Variants in ASTN1 observed in about 807,000 individuals in gnomAD.
ASTN1 encodes the protein astrotactin-1.
A neutral mutation model predicts 140.7 loss-of-function variants in ASTN1; 41 were observed. That is an observed-to-expected ratio of 0.29 (90% CI 0.23 to 0.38). The LOEUF (loss-of-function observed/expected upper bound fraction) is 0.38, where lower values mean the gene tolerates loss of function less well. Ranked by LOEUF, ASTN1 falls within the 10% of genes least tolerant of loss-of-function variation. The probability of loss-of-function intolerance (pLI) is 1.00; values close to 1 mark genes in which losing one functional copy is unlikely to be tolerated. For synonymous variants in ASTN1, 640 were observed against 652.2 expected, an observed-to-expected ratio of 0.98 and a Z score of 0.29; for missense variants, 1,479 against 1,678.8, an observed-to-expected ratio of 0.88 and a Z score of 2.08.
chr1:177,114,820 C>T (rs1015482163), intron 1 of ASTN1, among the ~76,000 whole-genome samples: 5 of 152,158 alleles, frequency 3.3e-5, no homozygotes, highest in African/African-American at 1.2e-4. Context: ...TGGCCACAGT[C>T]AAAACTCTCC....
At chr1:177,019,783 A>T (rs1170377731) in intron 7 of ASTN1, among the ~76,000 whole-genome samples, 4 of 152,222 alleles carry the variant, frequency 2.6e-5, no homozygotes, top group Non-Finnish European at 4.4e-5. Flanking sequence ...TCTTCCATAG[A>T]TTCCTGATAC....
intron 1 of ASTN1, among the ~76,000 whole-genome samples, chr1:177,112,574 T>C (rs781438206): frequency 3.9e-5 from 6 of 152,278 alleles, no homozygotes; most frequent in Admixed American, 1.3e-4. Flanking sequence ...CTTTCTGTGG[T>C]TCATCAATAT....
chr1:177,069,296 T>C (rs1678515493), intron 1 of ASTN1, among the ~76,000 whole-genome samples: 1 of 152,206 alleles, frequency 6.6e-6, no homozygotes, highest in Admixed American at 6.5e-5. Context: ...GATCTCTCTC[T>C]CAGTGGCTCC....
At chr1:176,968,126 A>G (rs1571581932) in intron 8 of ASTN1, among the ~76,000 whole-genome samples, 2 of 152,288 alleles carry the variant, frequency 1.3e-5, no homozygotes, top group Admixed American at 1.3e-4. Context: ...CTGTAACCCC[A>G]TATCCTCATC....
chr1:176,953,377 T>A (rs1347983832), intron 11 of ASTN1, among the ~76,000 whole-genome samples: 1 of 152,204 alleles, frequency 6.6e-6, no homozygotes, highest in African/African-American at 2.4e-5. Flanking sequence ...TCATAAGACA[T>A]GCAACTATAA....
At chr1:176,951,997 T>C (rs1016467765) in intron 11 of ASTN1, among the ~76,000 whole-genome samples, 1 of 152,012 alleles carries the variant, frequency 6.6e-6, no homozygotes, top group Non-Finnish European at 1.5e-5. Context: ...TGGTGGAAAA[T>C]GGCATGATCA....
chr1:176,870,253 T>A (rs1170290033), intron 21 of ASTN1, among the ~76,000 whole-genome samples: 1 of 152,220 alleles, frequency 6.6e-6, no homozygotes, highest in Admixed American at 6.5e-5. Flanking sequence ...ATTCTGGGCA[T>A]GAAGAAATGA....
In ASTN1 at chr1:176,900,653, C is replaced by A. The variant is rs1224577479; in HGVS notation, c.2672-5823G>T. ...TAACTGTGTAATTTGGGGTGAATTT[C>A]TTAATCTTCCTGTGTTTGAACTTTC... On this transcript the variant is annotated intron_variant, in intron 16 of 22. Transcript: ENST00000361833. Among the ~76,000 whole-genome samples the A allele has an allele frequency of 2.0e-5, 3 of 152,174 alleles. No homozygotes were observed. The East Asian group carries it at 5.8e-4, about 29-fold the overall frequency.
intron 1 of ASTN1, among the ~76,000 whole-genome samples, chr1:177,136,995 C>G (rs1031520797): frequency 1.3e-5 from 2 of 152,160 alleles, no homozygotes; most frequent in African/African-American, 4.8e-5. Flanking sequence ...AATCTTTGGC[C>G]TCTACCCACT....
intron 14 of ASTN1, among the ~76,000 whole-genome samples, chr1:176,939,044 G>A (rs1315852643): frequency 1.3e-5 from 2 of 151,954 alleles, no homozygotes; most frequent in African/African-American, 4.8e-5. Flanking sequence ...CCCAGGGGGC[G>A]GAGGTTGCAG....
Position 176,862,162 on chromosome 1 carries a change from T to G in ASTN1, c.*2122A>C, listed in dbSNP as rs1399884433. ...CCCCTTGAGGCACTTTAACTGAGGC[T>G]CCAGCATTTGCCACAGGTGGGACAG... On this transcript the variant is annotated 3_prime_UTR_variant, in exon 23 of 23. Transcript: ENST00000361833. The G allele has an allele frequency of 3.2e-5, 32 of 985,334 alleles. No homozygotes were observed. Among genetic ancestry groups the G allele is most frequent in the Non-Finnish European group, 3.7e-5 (31 of 829,976 alleles). 61.0% of individuals were successfully genotyped at this position (985,334 alleles called of 1,614,324 possible).
chr1:177,004,237 A>G (rs957462879), intron 8 of ASTN1, among the ~76,000 whole-genome samples: 3 of 152,266 alleles, frequency 2.0e-5, no homozygotes, highest in Admixed American at 2.0e-4. Flanking sequence ...ACAAAAAAAA[A>G]ATACCTAGGA....
intron 1 of ASTN1, among the ~76,000 whole-genome samples, chr1:177,102,156 C>A (rs1280487261): frequency 6.6e-6 from 1 of 152,168 alleles, no homozygotes; most frequent in Non-Finnish European, 1.5e-5. Context: ...TGTGCTCCAT[C>A]TATAAGCTCT....
At chr1:177,138,207 A>G (rs180787357) in intron 1 of ASTN1, among the ~76,000 whole-genome samples, 1 of 152,324 alleles carries the variant, frequency 6.6e-6, no homozygotes, top group African/African-American at 2.4e-5. Context: ...TTTGGTTTCT[A>G]TTCAAGGTCA....
intron 16 of ASTN1, among the ~76,000 whole-genome samples, chr1:176,913,295 C>A (rs909771743): frequency 6.6e-6 from 1 of 152,190 alleles, no homozygotes; most frequent in Non-Finnish European, 1.5e-5. Flanking sequence ...CTAAACACAG[C>A]TAAAATGTCC....
chr1:176,972,544 G>A (rs1019633736), intron 8 of ASTN1, among the ~76,000 whole-genome samples: 13 of 151,874 alleles, frequency 8.6e-5, no homozygotes, highest in African/African-American at 3.1e-4. Context: ...TGTCACCCAT[G>A]CCAAAATGCA....
chr1:176,966,717 ATTATG>A (rs1672906521), intron 8 of ASTN1, among the ~76,000 whole-genome samples: 2 of 151,904 alleles, frequency 1.3e-5, no homozygotes, highest in Admixed American at 1.3e-4. Context: ...TATATATTAT[ATTATG>A]GTGAATCTGT....
downstream of ASTN1, among the ~76,000 whole-genome samples, chr1:176,858,054 T>C (rs1235456583): frequency 2.0e-5 from 3 of 151,942 alleles, no homozygotes; most frequent in African/African-American, 7.3e-5. Context: ...CTGAGAAAGA[T>C]AGTAAGGAAT....
At chr1:177,162,290 C>G (rs1647426402) in intron 1 of ASTN1, among the ~76,000 whole-genome samples, 1 of 152,230 alleles carries the variant, frequency 6.6e-6, no homozygotes, top group South Asian at 2.1e-4. Context: ...TTTGAGCATA[C>G]TGAGTCAGAA....
Sources: allele counts gnomAD v4.1 joint callset (sites outside exome capture counted in the v4.1 genomes callset), GRCh38; gene constraint gnomAD v4.1.1; transcripts MANE v1.5; gene names NCBI Gene and HGNC (gene_info 2026-07-23, HGNC 2026-07-21).